The following TENM1 variants were observed in gnomAD, a reference collection of about 807,000 sequenced individuals.
The protein encoded by TENM1 is teneurin transmembrane protein 1.
Under a neutral mutation model 174.8 loss-of-function variants are expected in TENM1, and 35 were observed. The observed-to-expected ratio is 0.20, with a 90% CI of 0.15 to 0.27. The LOEUF (loss-of-function observed/expected upper bound fraction) is 0.27, where lower values mean the gene tolerates loss of function less well. TENM1 is among the 10% of genes least tolerant of loss of function. TENM1 has a pLI of 1.00. For synonymous variants in TENM1, 781 were observed against 798.7 expected (o/e 0.98, Z 0.37); for missense variants, 1,633 against 2,130.1 (o/e 0.77, Z 4.59).
intron 22 of TENM1, among the ~76,000 whole-genome samples, chrX:124,471,194 ATATAATATATAGTACTATATAT>A (rs1407789147): frequency 7.6e-4 from 49 of 64,560 alleles, no homozygotes; most frequent in Admixed American, 4.8e-3. Context: ...AATATATATT[ATATAATATATAGTACTATATAT>A]TATAATATAT....
chrX:124,509,976 G>A (rs906330019), intron 18 of TENM1, among the ~76,000 whole-genome samples: 1 of 111,606 alleles, frequency 9.0e-6, no homozygotes, highest in African/African-American at 3.3e-5. Context: ...CACCCGCCTT[G>A]GCCTCCCAGA....
chrX:124,662,783 G>T (rs1230856905), intron 6 of TENM1, among the ~76,000 whole-genome samples: 1 of 111,691 alleles, frequency 9.0e-6, no homozygotes, highest in South Asian at 3.7e-4. Flanking sequence ...TTTCTTTTAA[G>T]CCTGTTAATC....
At chrX:124,660,110 G>GA (rs1198076245) in intron 6 of TENM1, among the ~76,000 whole-genome samples, 1 of 111,200 alleles carries the variant, frequency 9.0e-6, no homozygotes, top group Non-Finnish European at 1.9e-5. Flanking sequence ...AAATAACAAA[G>GA]AAAAAAATAC....
the TENM1 span, among the ~76,000 whole-genome samples, chrX:125,197,013 T>C: frequency 9.0e-6 from 1 of 111,455 alleles, no homozygotes; most frequent in African/African-American, 3.3e-5. Flanking sequence ...GACAGGTGTC[T>C]AAACCAGATA....
the TENM1 span, among the ~76,000 whole-genome samples, chrX:125,139,863 G>C: frequency 0.012 from 743 of 63,235 alleles, 13 homozygotes; most frequent in East Asian, 0.018. Context: ...CACACGGAGA[G>C]AGAGAGAGAG....
rs866778158 is a variant in TENM1 at position 124,453,086 on chromosome X, A to C, written c.4104+251T>G. ...ATTGGCCTTACCCTCTGATTAATTC[A>C]AGCTTGAGAGACTTTACTTAATTGT... On this transcript the variant is annotated intron_variant, in intron 23 of 31. Transcript: ENST00000422452. Among the ~76,000 whole-genome samples the C allele has an allele frequency of 3.8e-4, 42 of 111,856 alleles. 1 individual carries two copies. Among genetic ancestry groups the C allele is most frequent in the African/African-American group, 1.3e-3 (41 of 30,731 alleles).
At chrX:124,500,675 C>G (rs1364879023) in intron 19 of TENM1, among the ~76,000 whole-genome samples, 1 of 111,859 alleles carries the variant, frequency 8.9e-6, no homozygotes, top group Non-Finnish European at 1.9e-5. Flanking sequence ...AAAAGCCAAG[C>G]CCATTGTATA....
chrX:124,805,718 C>T (rs765542034), intron 3 of TENM1, among the ~76,000 whole-genome samples: 37 of 112,753 alleles, frequency 3.3e-4, no homozygotes, highest in African/African-American at 1.0e-3. Context: ...TACAGTGGTC[C>T]CTGGCATAGG....
chrX:125,119,654 T>C, the TENM1 span, among the ~76,000 whole-genome samples: 2 of 111,191 alleles, frequency 1.8e-5, no homozygotes, highest in Non-Finnish European at 3.8e-5. Flanking sequence ...TAGACAAATA[T>C]CTTCTTACTG....
chrX:124,406,948 T>C (rs988784702), intron 25 of TENM1, among the ~76,000 whole-genome samples: 10 of 111,828 alleles, frequency 8.9e-5, no homozygotes, highest in Admixed American at 6.6e-4. Context: ...ATGGGAAAAT[T>C]ATAATTTGCT....
At chrX:125,119,508 A>G in the TENM1 span, among the ~76,000 whole-genome samples, 2 of 109,591 alleles carry the variant, frequency 1.8e-5, no homozygotes, top group African/African-American at 6.7e-5. Context: ...TCTGCACTAT[A>G]CAAAGCAGAA....
At chrX:124,954,058 C>T (rs2058533603) in intron 1 of TENM1, among the ~76,000 whole-genome samples, 1 of 111,997 alleles carries the variant, frequency 8.9e-6, no homozygotes, top group Non-Finnish European at 1.9e-5. Flanking sequence ...CACAAAGAGA[C>T]GTGATGGTCA....
intron 3 of TENM1, among the ~76,000 whole-genome samples, chrX:124,882,284 A>C (rs2057316381): frequency 8.9e-6 from 1 of 112,105 alleles, no homozygotes; most frequent in Non-Finnish European, 1.9e-5. Flanking sequence ...CATGTGGTCT[A>C]TCCTGGAGAA....
chrX:124,503,836 C>A, intron 18 of TENM1, 133 bp from the exon 22 acceptor site: 2 of 602,591 alleles, frequency 3.3e-6, no homozygotes, highest in Non-Finnish European at 5.3e-6. Flanking sequence ...CTGCAAATTT[C>A]TTTCACCTAG....
At chrX:124,615,061 T>C (rs1231552255) in intron 11 of TENM1, among the ~76,000 whole-genome samples, 1 of 112,152 alleles carries the variant, frequency 8.9e-6, no homozygotes, top group African/African-American at 3.2e-5. Flanking sequence ...GCATTCTTAA[T>C]TCCTGTTTTT....
At chrX:125,165,755 A>G in the TENM1 span, among the ~76,000 whole-genome samples, 1 of 111,590 alleles carries the variant, frequency 9.0e-6, no homozygotes, top group Admixed American at 9.5e-5. Context: ...CTCCCTGTTC[A>G]CTATATAGTT....
In TENM1 at chrX:124,754,614, T is replaced by G. The variant is rs1208859113; in HGVS notation, c.536-17417A>C. On this transcript the variant is annotated intron_variant, in intron 3 of 31. Transcript: ENST00000422452. ...GTTTTTGATCTTTTCTGCTTTCTCTTGTGGGCATTTAGTGCTATAAATTTC... is the reference window on the plus strand; with the variant it reads ...GTTTTTGATCTTTTCTGCTTTCTCTGGTGGGCATTTAGTGCTATAAATTTC... 2.7e-5 allele frequency among the ~76,000 whole-genome samples: 3 copies of G among 111,488 alleles called. No individual in the cohort carries two copies. The Admixed American group carries it at 2.9e-4, about 11-fold the overall frequency.
At chrX:124,425,520 G>A (rs1044022461) in intron 23 of TENM1, among the ~76,000 whole-genome samples, 1 of 112,125 alleles carries the variant, frequency 8.9e-6, no homozygotes, top group African/African-American at 3.2e-5. Context: ...GCATGTTTTT[G>A]TCCTCTTGCC....
chrX:124,713,271 A>AT (rs541129503), intron 4 of TENM1, among the ~76,000 whole-genome samples: 1,433 of 104,516 alleles, frequency 0.014, 20 homozygotes, highest in African/African-American at 0.042. Flanking sequence ...TGCAAAAAAA[A>AT]TTTTTTTTTT....
Sources: gnomAD v4.1 joint callset for allele counts (sites outside exome capture counted in the v4.1 genomes callset) on GRCh38, gnomAD v4.1.1 for gene constraint, MANE v1.5 for transcripts, NCBI Gene and HGNC (gene_info 2026-07-23, HGNC 2026-07-21) for gene names.